The following NACC2 variants were observed in gnomAD, a reference collection of about 807,000 sequenced individuals.
NACC2 encodes the protein nucleus accumbens-associated protein 2.
NACC2 carries 8 observed loss-of-function variants against 25.1 expected under a neutral mutation model. That is an observed-to-expected ratio of 0.32 (90% CI 0.19 to 0.57). NACC2 has a LOEUF of 0.57. NACC2 is among the 20% of genes least tolerant of loss of function. NACC2 has a pLI of 0.89. For missense variants in NACC2, 644 were observed against 650.2 expected (o/e 0.99, Z 0.10); for synonymous variants, 435 against 294.7 (o/e 1.48, Z -4.88).
chr9:136,046,162 CCT>C (rs1840720874), intron 2 of NACC2, among the ~76,000 whole-genome samples: 2 of 152,244 alleles, frequency 1.3e-5, no homozygotes, highest in Non-Finnish European at 2.9e-5. Flanking sequence ...GGGGCTGGCC[CCT>C]GACTCACCCC....
At position 136,071,290 on chromosome 9, in the gene NACC2, A is replaced by C. The variant is rs1453926132; in HGVS notation, c.-59-20710T>G. 3.3e-5 allele frequency among the ~76,000 whole-genome samples: 5 copies of C among 151,700 alleles called. 1 individual carries two copies. Among genetic ancestry groups the C allele is most frequent in the African/African-American group, 1.2e-4 (5 of 41,016 alleles). ...CTGGGCGCGGTGGCTCACGCCTATA[A>C]TCCCAGCACTTTGGGAGGTCAAGGC... On this transcript the variant is annotated intron_variant, in intron 1 of 5. Transcript: ENST00000277554.
At chr9:136,085,125 T>A (rs12380336) in intron 1 of NACC2, among the ~76,000 whole-genome samples, 2 of 145,266 alleles carry the variant, frequency 1.4e-5, no homozygotes, top group Non-Finnish European at 3.0e-5. Context: ...ATAGGAAGAC[T>A]CCATTTCTAC....
intron 1 of NACC2, among the ~76,000 whole-genome samples, chr9:136,078,442 T>A (rs545901235): frequency 2.4e-4 from 36 of 152,350 alleles, no homozygotes; most frequent in African/African-American, 6.7e-4. Flanking sequence ...CAATCCTTAA[T>A]ACAGGTTTTT....
At chr9:136,089,360 A>AC (rs1190266068) in intron 1 of NACC2, among the ~76,000 whole-genome samples, 1 of 151,068 alleles carries the variant, frequency 6.6e-6, no homozygotes, top group African/African-American at 2.4e-5. Context: ...CCCCACAGCC[A>AC]CCCCCCTTGC....
chr9:136,042,980 G>A (rs1026630379), intron 2 of NACC2, among the ~76,000 whole-genome samples: 16 of 124,422 alleles, frequency 1.3e-4, no homozygotes, highest in Admixed American at 8.1e-5. Flanking sequence ...ACACATAGAC[G>A]CAGACACACA....
chr9:136,043,147 A>G (rs1840670308), intron 2 of NACC2, among the ~76,000 whole-genome samples: 1 of 152,248 alleles, frequency 6.6e-6, no homozygotes, highest in Non-Finnish European at 1.5e-5. Context: ...ATCAAAATTT[A>G]AAACTTCTGG....
chr9:136,016,495 G>A (rs908147532), intron 2 of NACC2, 66 bp from the exon 3 acceptor site: 55 of 1,582,790 alleles, frequency 3.5e-5, no homozygotes, highest in African/African-American at 1.5e-4. Context: ...GTGCCTGCCC[G>A]CCTGCCCTCC....
At chr9:136,034,427 T>C (rs892443034) in intron 2 of NACC2, among the ~76,000 whole-genome samples, 5 of 152,198 alleles carry the variant, frequency 3.3e-5, no homozygotes, top group South Asian at 2.1e-4. Context: ...AGAGTGTTGA[T>C]TGCTTTGGAG....
intron 1 of NACC2, among the ~76,000 whole-genome samples, chr9:136,078,433 A>C (rs1348392511): frequency 2.0e-5 from 3 of 152,242 alleles, no homozygotes; most frequent in African/African-American, 7.2e-5. Flanking sequence ...TTTAAATGGC[A>C]ATCCTTAATA....
intron 2 of NACC2, among the ~76,000 whole-genome samples, chr9:136,023,207 C>T (rs1162147272): frequency 2.0e-5 from 3 of 149,626 alleles, no homozygotes; most frequent in African/African-American, 7.4e-5. Context: ...GCTGGTCTCT[C>T]GAGTCCCCAT....
At position 136,011,815 on chromosome 9, in the gene NACC2, G is replaced by T; in HGVS notation, c.1465C>A (p.Gln489Lys). Residue 489 changes from glutamine (Q) to lysine (K), a missense_variant, in exon 6 of 6, where the codon CAG (glutamine) becomes AAG (lysine). Coordinates refer to ENST00000277554, the MANE Select transcript of NACC2 (RefSeq NM_144653.5). Reference sequence around the variant, plus strand: ...GCGTAGATGCGTTGCTCGAACACCTGTGCCGCGGCAGGCGGGAACTCGGGG... The same window carrying T: ...GCGTAGATGCGTTGCTCGAACACCTTTGCCGCGGCAGGCGGGAACTCGGGG... ...LDPEFPPAAA[Q>K]VFEQRIYAER... 1 of 1,575,510 alleles carries T rather than the reference G, an allele frequency of 6.3e-7. No homozygotes were observed. Among genetic ancestry groups the T allele is most frequent in the East Asian group, 2.3e-5 (1 of 42,758 alleles).
chr9:136,040,468 CA>C (rs1840611920), intron 2 of NACC2, among the ~76,000 whole-genome samples: 1 of 151,928 alleles, frequency 6.6e-6, no homozygotes, highest in African/African-American at 2.4e-5. Context: ...GAAATACATG[CA>C]AAAAATATGT....
intron 2 of NACC2, among the ~76,000 whole-genome samples, chr9:136,029,624 T>A (rs910203467): frequency 6.6e-6 from 1 of 152,120 alleles, no homozygotes; most frequent in African/African-American, 2.4e-5. Flanking sequence ...TGTGACACCT[T>A]CTTTGGGGCT....
In NACC2 at chr9:136,073,487, CA is replaced by C. The variant is rs552378755; in HGVS notation, c.-60+21701del. 1.6e-3 allele frequency among the ~76,000 whole-genome samples: 244 copies of C among 151,992 alleles called. 7 individuals carry two copies. The highest frequency in any genetic ancestry group is 1.8e-3 in the Non-Finnish European group (119 of 67,986). On this transcript the variant is annotated intron_variant, in intron 1 of 5. Coordinates refer to ENST00000277554, the MANE Select transcript of NACC2 (RefSeq NM_144653.5). ...GGACCCCAGTAGGAGCTGCAGTGGA[CA>C]GGGGGTGTGAGCGTGGATCCAGCTG...
chr9:136,012,141 T>C (rs1564215623), intron 5 of NACC2, 117 bp from the exon 6 acceptor site: 4 of 1,258,010 alleles, frequency 3.2e-6, no homozygotes, highest in African/African-American at 1.5e-5. Context: ...CTGGGGCCCA[T>C]GTGACCACCT....
intron 1 of NACC2, among the ~76,000 whole-genome samples, chr9:136,085,136 A>C (rs1481002356): frequency 2.4e-5 from 2 of 83,216 alleles, no homozygotes; most frequent in Non-Finnish European, 2.9e-5. Flanking sequence ...CCATTTCTAC[A>C]ATTTTTTTTT....
intron 1 of NACC2, among the ~76,000 whole-genome samples, chr9:136,064,634 G>A (rs1242878345): frequency 6.6e-6 from 1 of 152,132 alleles, no homozygotes; most frequent in African/African-American, 2.4e-5. Flanking sequence ...GTTAATTAAG[G>A]AATATGTCCC....
In NACC2 at chr9:136,055,263, G is replaced by A. The variant is rs1840907418; in HGVS notation, c.-59-4683C>T. On this transcript the variant is annotated intron_variant, in intron 1 of 5. Transcript: ENST00000277554. This position sits in a 1 kb window ranked among gnomAD's most constrained non-coding sequence, Gnocchi z 4.9. The stretch of plus-strand genomic sequence containing the variant: ...CACAGGGGTTGGGGCAGCGTCTCCA[G>A]AACGACCCCCCTGCCTGAGTGTCGT... 6.6e-6 allele frequency among the ~76,000 whole-genome samples: 1 copy of A among 152,158 alleles called. No individual in the cohort carries two copies. Among genetic ancestry groups the A allele is most frequent in the African/African-American group, 2.4e-5 (1 of 41,434 alleles).
At chr9:136,026,287 G>A (rs1442770137) in intron 2 of NACC2, among the ~76,000 whole-genome samples, 2 of 125,204 alleles carry the variant, frequency 1.6e-5, no homozygotes, top group Non-Finnish European at 3.2e-5. Flanking sequence ...AGGTTGCAGT[G>A]AACCAAGATG....
Sources: gnomAD v4.1 joint callset for allele counts (sites outside exome capture counted in the v4.1 genomes callset) on GRCh38, gnomAD v4.1.1 for gene constraint, Gnocchi (gnomAD v3.1) non-coding constraint, MANE v1.5 for transcripts, NCBI Gene and HGNC (gene_info 2026-07-23, HGNC 2026-07-21) for gene names.